Variants in TMEM39B observed in about 807,000 individuals in gnomAD.
TMEM39B encodes the protein transmembrane protein 39B.
TMEM39B carries 23 observed loss-of-function variants against 52.2 expected under a neutral mutation model. That is an observed-to-expected ratio of 0.44 (90% CI 0.32 to 0.62). The LOEUF (loss-of-function observed/expected upper bound fraction) is 0.62. TMEM39B is among the 20% of genes least tolerant of loss of function. The pLI is 0.06. For missense variants in TMEM39B, 547 were observed against 642.0 expected (o/e 0.85, Z 1.60); for synonymous variants, 285 against 264.0 (o/e 1.08, Z -0.77).
intron 7 of TMEM39B, among the ~76,000 whole-genome samples, chr1:32,097,640 C>CT (rs985256679): frequency 2.0e-5 from 3 of 150,984 alleles, no homozygotes; most frequent in Non-Finnish European, 4.4e-5. Context: ...GCCCCAACTT[C>CT]TTTTTTTTGT....
chr1:32,090,733 G>A lies in TMEM39B; in HGVS notation c.591-942G>A, dbSNP rs559500281. 6.7e-3 allele frequency among the ~76,000 whole-genome samples: 1,023 copies of A among 151,944 alleles called. 6 individuals are homozygous for A. The highest frequency in any genetic ancestry group is 0.022 in the African/African-American group (932 of 41,476). ...CGGCTCACTGCAAGCTCCACCTCCC[G>A]GGTTCACGCCATTCTCCTGCCTCAG... On this transcript the variant is annotated intron_variant, in intron 5 of 8. Coordinates refer to ENST00000336294, the MANE Select transcript of TMEM39B (RefSeq NM_018056.4).
Position 32,075,024 on chromosome 1 carries a change from T to C in TMEM39B, c.78T>C (p.Ser26=). 1 of 1,551,598 alleles carries C rather than the reference T, an allele frequency of 6.4e-7. No individual in the cohort carries two copies. The highest frequency in any genetic ancestry group is 8.7e-7 in the Non-Finnish European group (1 of 1,146,946). The change falls in exon 2 of 9, where the codon TCT becomes TCC. Residue 26 remains serine (S), a synonymous_variant. Transcript: ENST00000336294. The part of the protein sequence containing the change: ...PLCEPGSSGG[S]SGSHTSSASV... ...GTGAGCCGGGATCCTCGGGGGGCTC[T>C]AGTGGAAGCCACACTTCCAGTGCAT...
intron 3 of TMEM39B, chr1:32,076,502 A>G (rs1444898625): frequency 1.6e-6 from 1 of 616,228 alleles, no homozygotes; most frequent in Non-Finnish European, 3.0e-6. Context: ...CAGACACAGT[A>G]TAGGGACAGG....
intron 7 of TMEM39B, among the ~76,000 whole-genome samples, chr1:32,098,305 CTA>C (rs1182512067): frequency 1.3e-5 from 2 of 151,934 alleles, no homozygotes; most frequent in Non-Finnish European, 2.9e-5. Context: ...GCCCAGCCAA[CTA>C]TTTTTTTTTT....
intron 5 of TMEM39B, among the ~76,000 whole-genome samples, chr1:32,090,010 C>T (rs1640537374): frequency 6.6e-6 from 1 of 151,550 alleles, no homozygotes; most frequent in Non-Finnish European, 1.5e-5. Context: ...GCCTGAGCAA[C>T]AGAGTGAGAC....
intron 7 of TMEM39B, among the ~76,000 whole-genome samples, chr1:32,096,243 C>A (rs944202394): frequency 6.6e-6 from 1 of 152,074 alleles, no homozygotes; most frequent in Non-Finnish European, 1.5e-5. Flanking sequence ...CACTTTGCTT[C>A]CTCCAGGAAC....
chr1:32,077,888 G>C (rs539066964), intron 5 of TMEM39B, among the ~76,000 whole-genome samples: 2 of 152,274 alleles, frequency 1.3e-5, no homozygotes, highest in African/African-American at 4.8e-5. Flanking sequence ...AGATTGTTGA[G>C]GATGGAGAGA....
intron 5 of TMEM39B, among the ~76,000 whole-genome samples, chr1:32,083,562 A>G (rs2124452656): frequency 6.6e-6 from 1 of 151,128 alleles, no homozygotes; most frequent in Non-Finnish European, 1.5e-5. Context: ...AGCTGGGACT[A>G]CACGCGCCCG....
At chr1:32,094,724 G>C (rs1640748135) in intron 6 of TMEM39B, 60 bp from the exon 7 acceptor site, 1 of 1,582,470 alleles carries the variant, frequency 6.3e-7, no homozygotes, top group African/African-American at 1.3e-5. Flanking sequence ...AATCAGGGAA[G>C]GAAAGGGAAT....
At chr1:32,083,712 G>A (rs550119333) in intron 5 of TMEM39B, among the ~76,000 whole-genome samples, 3 of 152,034 alleles carry the variant, frequency 2.0e-5, no homozygotes, top group South Asian at 4.2e-4. Flanking sequence ...GTGAGCCACC[G>A]TGCCCAGCCT....
chr1:32,073,229 G>T, intron 1 of TMEM39B, 178 bp downstream of exon 1: 1 of 743,246 alleles, frequency 1.3e-6, no homozygotes, highest in South Asian at 2.9e-5. Flanking sequence ...CTCTGTTGTG[G>T]GGGCGGGACA....
chr1:32,081,341 G>A lies in TMEM39B; in HGVS notation c.590+4023G>A, dbSNP rs184652921. Among the ~76,000 whole-genome samples the A allele has an allele frequency of 6.3e-3, 959 of 151,538 alleles. 15 individuals are homozygous for A. Among genetic ancestry groups the A allele is most frequent in the African/African-American group, 0.022 (925 of 41,384 alleles). On this transcript the variant is annotated intron_variant, in intron 5 of 8. Transcript: ENST00000336294. Reference sequence around the variant, plus strand: ...GGCTGGAGTGCAGTGGTGCAATCTCGGCTCACTGCAACCTCTGCCTCCCAG... The same window carrying A: ...GGCTGGAGTGCAGTGGTGCAATCTCAGCTCACTGCAACCTCTGCCTCCCAG...
At chr1:32,074,902 T>G (rs1385187999) in intron 1 of TMEM39B, 49 bp from the exon 2 acceptor site, 7 of 1,518,520 alleles carry the variant, frequency 4.6e-6, no homozygotes, top group Non-Finnish European at 6.2e-6. Flanking sequence ...CTGTTATCCT[T>G]GATATATGCC....
intron 7 of TMEM39B, 122 bp downstream of exon 7, chr1:32,095,093 T>C (rs1212541327): frequency 8.3e-7 from 1 of 1,211,946 alleles, no homozygotes; most frequent in Non-Finnish European, 1.1e-6. Flanking sequence ...TCTTGTATAT[T>C]ATTAGGCCAG....
chr1:32,075,796 T>TTGC lies in TMEM39B; in HGVS notation c.325_326insTGC (p.Ser109delinsLeuPro). ...CAAGACAGTGTGGTGGTATCCACCT[T>TTGC]CCCACCCACCCTCCCACACCTCCCT... On this transcript the variant is annotated protein_altering_variant, in exon 3 of 9. Coordinates refer to ENST00000336294, the MANE Select transcript of TMEM39B (RefSeq NM_018056.4). 1.3e-6 allele frequency: 2 copies of TTGC among 1,519,128 alleles called. No individual in the cohort carries two copies. Among genetic ancestry groups the TTGC allele is most frequent in the Non-Finnish European group, 1.8e-6 (2 of 1,124,454 alleles). The allele number at this position is 1,519,128 out of a possible 1,614,324, so 94.1% of individuals were successfully genotyped here.
chr1:32,087,073 A>G (rs1011350875), intron 5 of TMEM39B: 2 of 152,196 alleles, frequency 1.3e-5, no homozygotes, highest in Admixed American at 6.6e-5. Flanking sequence ...ACTGCCCTCC[A>G]GCAGCCTGCG....
At chr1:32,072,321 C>CTAT (rs1553226696), upstream of TMEM39B, 3 of 146,464 alleles carry the variant, frequency 2.0e-5, no homozygotes, top group Admixed American at 2.0e-4. Flanking sequence ...TCTGCATGCT[C>CTAT]TATTTCATTT....
At chr1:32,075,152 T>C in intron 2 of TMEM39B, 75 bp downstream of exon 2, 1 of 1,473,566 alleles carries the variant, frequency 6.8e-7, no homozygotes, top group South Asian at 1.4e-5. Flanking sequence ...TCTGACTGGA[T>C]TCTAAGATGT....
Position 32,074,947 on chromosome 1 carries a change from A to G in TMEM39B, c.5-4A>G. The G allele has an allele frequency of 1.9e-6, 3 of 1,550,544 alleles. No individual in the cohort carries two copies. The highest frequency in any genetic ancestry group is 1.7e-4 in the Middle Eastern group (1 of 5,986). ...GAGGCTCTATTTTATGTTGAGCCCC[A>G]CAGGAGGACGAAGAGGTCCCAACAG... On this transcript the variant is annotated splice_polypyrimidine_tract_variant and splice_region_variant and intron_variant, in intron 1 of 8. Coordinates refer to ENST00000336294, the MANE Select transcript of TMEM39B (RefSeq NM_018056.4).
Sources: allele counts gnomAD v4.1 joint callset (sites outside exome capture counted in the v4.1 genomes callset), GRCh38; gene constraint gnomAD v4.1.1; transcripts MANE v1.5; gene names NCBI Gene and HGNC (gene_info 2026-07-23, HGNC 2026-07-21).